PAPOLG: variants seen among roughly 807,000 people sequenced by gnomAD.
The protein encoded by PAPOLG is PAP-gamma.
Under a neutral mutation model 99.0 loss-of-function variants are expected in PAPOLG, and 40 were observed. The ratio of observed to expected loss-of-function variants is 0.40; its 90% confidence interval spans 0.31 to 0.53. The LOEUF is 0.53. Ranked by LOEUF, PAPOLG falls within the 20% of genes least tolerant of loss-of-function variation. PAPOLG has a pLI of 0.41. For missense variants in PAPOLG, 675 were observed against 884.1 expected, an observed-to-expected ratio of 0.76 and a Z score of 3.00; for synonymous variants, 310 against 299.3, an observed-to-expected ratio of 1.04 and a Z score of -0.37.
intron 8 of PAPOLG, among the ~76,000 whole-genome samples, chr2:60,779,015 A>T (rs1671113976): frequency 6.6e-6 from 1 of 152,048 alleles, no homozygotes; most frequent in East Asian, 1.9e-4. Flanking sequence ...TGAGCCCAGG[A>T]GTTTGAGGCT....
intron 13 of PAPOLG, among the ~76,000 whole-genome samples, chr2:60,783,619 C>G (rs1237137624): frequency 6.9e-6 from 1 of 144,554 alleles, no homozygotes; most frequent in African/African-American, 2.6e-5. Context: ...CAAGTGATTC[C>G]CCTGCCTTAG....
chr2:60,780,901 C>T (rs3845814), intron 10 of PAPOLG, 122 bp downstream of exon 10: 740,283 of 751,006 alleles, frequency 0.99, 364,915 homozygotes, highest in East Asian at 1. Context: ...ACTATAGTCC[C>T]CTTCCTCCTT....
At chr2:60,767,345 CTTT>C (rs529844444) in intron 3 of PAPOLG, among the ~76,000 whole-genome samples, 6 of 138,318 alleles carry the variant, frequency 4.3e-5, no homozygotes, top group Admixed American at 1.4e-4. Context: ...CTTTTTCTTT[CTTT>C]TTTTTTTTTT....
At chr2:60,794,388 C>G (rs1468317291) in intron 19 of PAPOLG, 197 bp downstream of exon 19, 1 of 641,306 alleles carries the variant, frequency 1.6e-6, no homozygotes, top group Non-Finnish European at 2.6e-6. Context: ...AATGATTGGT[C>G]TGAGTTTCTC....
At chr2:60,780,808 A>T in intron 10 of PAPOLG, 29 bp downstream of exon 10, 1 of 1,537,888 alleles carries the variant, frequency 6.5e-7, no homozygotes, top group Non-Finnish European at 9.0e-7. Flanking sequence ...AGTTTCTTTA[A>T]AGCTTTTAAG....
intron 5 of PAPOLG, among the ~76,000 whole-genome samples, chr2:60,769,498 CTG>C (rs922549307): frequency 3.9e-5 from 6 of 152,218 alleles, no homozygotes; most frequent in Non-Finnish European, 7.4e-5. Context: ...GTCAAAGAAT[CTG>C]TGATATTTGG....
chr2:60,787,423 A>G, intron 14 of PAPOLG, 88 bp from the exon 15 acceptor site: 9 of 1,449,534 alleles, frequency 6.2e-6, no homozygotes, highest in Non-Finnish European at 8.3e-6. Context: ...ATAGAGACAT[A>G]GAGACCAAGT....
intron 2 of PAPOLG, among the ~76,000 whole-genome samples, chr2:60,761,366 G>A (rs750240296): frequency 7.2e-5 from 11 of 152,138 alleles, no homozygotes; most frequent in South Asian, 6.2e-4. Flanking sequence ...CCTATTACTA[G>A]CAATGAGAGA....
rs1217118073 is a variant in PAPOLG, at chr2:60,787,552, G to A, written c.1328G>A (p.Arg443Gln). The change falls in exon 15 of 22, where the codon CGG becomes CAG. Residue 443 changes from arginine (R) to glutamine (Q), a missense_variant. Arg to Gln is a conservative substitution (Grantham distance 43). Around this residue, in one of 3 missense-constraint regions of PAPOLG, gnomAD observed 413 missense variants for 460.5 expected, o/e 0.90. Coordinates refer to ENST00000238714, the MANE Select transcript of PAPOLG (RefSeq NM_022894.4). ...ATGTGGTTCCTTGGGATAATTTTTC[G>A]GAGAGTAGAAAATGCAGAAAGTGTC... ...VSMWFLGIIF[R>Q]RVENAESVNI... 4.3e-6 allele frequency: 7 copies of A among 1,613,886 alleles called. No individual in the cohort carries two copies. The highest frequency in any genetic ancestry group is 1.1e-5 in the South Asian group (1 of 91,028).
chr2:60,791,991 T>A (rs1172010319), intron 16 of PAPOLG, 109 bp downstream of exon 16: 5 of 1,464,218 alleles, frequency 3.4e-6, no homozygotes, highest in South Asian at 1.3e-5. Context: ...AAGGAAGATA[T>A]AGGCAGTTCA....
At chr2:60,785,101 T>C (rs555535557) in intron 13 of PAPOLG, among the ~76,000 whole-genome samples, 32 of 152,338 alleles carry the variant, frequency 2.1e-4, no homozygotes, top group Admixed American at 1.6e-3. Context: ...TGCTGTATTT[T>C]AATAGGATGT....
chr2:60,797,288 C>T lies in PAPOLG; in HGVS notation c.*128C>T, dbSNP rs532190788. The T allele has an allele frequency of 4.7e-5, 57 of 1,202,650 alleles. 1 individual carries two copies. In the East Asian group the frequency reaches 1.2e-3, roughly 25 times the overall value. 74.5% of individuals were successfully genotyped at this position (1,202,650 alleles called of 1,614,324 possible). Reference sequence around the variant, plus strand: ...AAAGTGACAGCCTTCAGTCTAATAACCTTGAAGTGGTTTTTGAACTGTCAA... The same window carrying T: ...AAAGTGACAGCCTTCAGTCTAATAATCTTGAAGTGGTTTTTGAACTGTCAA... On this transcript the variant is annotated 3_prime_UTR_variant, in exon 22 of 22. Coordinates refer to ENST00000238714, the MANE Select transcript of PAPOLG (RefSeq NM_022894.4).
intron 13 of PAPOLG, 108 bp downstream of exon 13, chr2:60,783,317 T>C: frequency 4.5e-6 from 2 of 447,680 alleles, no homozygotes; most frequent in East Asian, 3.8e-5. Flanking sequence ...TCAAAATTAT[T>C]ATATCTCTTT....
intron 3 of PAPOLG, among the ~76,000 whole-genome samples, chr2:60,766,727 G>T (rs1670688618): frequency 1.3e-5 from 2 of 151,500 alleles, no homozygotes. Flanking sequence ...CAGAAAGAAT[G>T]GGCAAGCACT....
Position 60,797,337 on chromosome 2 carries a change from C to G in PAPOLG, c.*177C>G. On this transcript the variant is annotated 3_prime_UTR_variant, in exon 22 of 22. Transcript: ENST00000238714. ...AAACTTTGACCTGTAGATGCTGTAG[C>G]ATTCTCTCACTGATTGCTACATACA... The G allele has an allele frequency of 1.5e-6, 1 of 684,370 alleles. No homozygotes were observed. Among genetic ancestry groups the G allele is most frequent in the Non-Finnish European group, 2.4e-6 (1 of 408,402 alleles). 42.4% of individuals were successfully genotyped at this position (684,370 alleles called of 1,614,324 possible). A position where few individuals can be genotyped will look rare whatever the true frequency, so the allele number is the denominator to read the frequency against.
At chr2:60,783,783 T>C (rs2103806270) in intron 13 of PAPOLG, among the ~76,000 whole-genome samples, 1 of 152,040 alleles carries the variant, frequency 6.6e-6, no homozygotes, top group African/African-American at 2.4e-5. Context: ...TTACTGGTGA[T>C]TGTTGTGCAT....
In PAPOLG at chr2:60,756,307, G is replaced by C; in HGVS notation, c.-172G>C. ...CGCTGTATTGTCATAAATAGAGCCG[G>C]TTTTGTGGTGTTTTCACTACTCGGT... On this transcript the variant is annotated 5_prime_UTR_variant, in exon 1 of 22. Coordinates refer to ENST00000238714, the MANE Select transcript of PAPOLG (RefSeq NM_022894.4). 1 of 768,616 alleles carries C rather than the reference G, an allele frequency of 1.3e-6. No individual in the cohort carries two copies. The highest frequency in any genetic ancestry group is 2.2e-6 in the Non-Finnish European group (1 of 445,576). The allele number at this position is 768,616 out of a possible 1,614,324, so 47.6% of individuals were successfully genotyped here.
intron 7 of PAPOLG, among the ~76,000 whole-genome samples, chr2:60,772,036 C>CT (rs566462438): frequency 0.026 from 3,709 of 144,272 alleles, 106 homozygotes; most frequent in African/African-American, 0.075. Context: ...AGAATGGCTT[C>CT]TTTTTTTTTT....
At chr2:60,780,920 G>C (rs1481664018) in intron 10 of PAPOLG, 141 bp downstream of exon 10, 2 of 683,618 alleles carry the variant, frequency 2.9e-6, no homozygotes, top group Non-Finnish European at 5.0e-6. Flanking sequence ...TTCTGCTGTG[G>C]TTTTTGTTTT....
Sources: gnomAD v4.1 joint callset for allele counts (sites outside exome capture counted in the v4.1 genomes callset) on GRCh38, gnomAD v4.1.1 for gene constraint, gnomAD v4.1.1 regional missense constraint, MANE v1.5 for transcripts, NCBI Gene and HGNC (gene_info 2026-07-23, HGNC 2026-07-21) for gene names.